CD47: variants seen among roughly 807,000 people sequenced by gnomAD.
The protein encoded by CD47 is leukocyte surface antigen CD47.
Under a neutral mutation model 44.6 loss-of-function variants are expected in CD47, and 11 were observed. The ratio of observed to expected loss-of-function variants is 0.25; its 90% confidence interval spans 0.16 to 0.41. The LOEUF is 0.41. CD47 is among the 10% of genes least tolerant of loss of function. The probability of loss-of-function intolerance (pLI) is 1.00; values close to 1 mark genes in which losing one functional copy is unlikely to be tolerated. For synonymous variants in CD47, 140 were observed against 136.3 expected (o/e 1.03, Z -0.19); for missense variants, 306 against 386.7 (o/e 0.79, Z 1.75).
intron 2 of CD47, among the ~76,000 whole-genome samples, chr3:108,076,109 T>C (rs1474665938): frequency 1.3e-5 from 2 of 152,254 alleles, no homozygotes; most frequent in East Asian, 3.8e-4. Flanking sequence ...TTTAGTCTTT[T>C]AAGACTTTGA....
Position 108,085,858 on chromosome 3 carries a change from C to A in CD47, c.46+5005G>T, listed in dbSNP as rs560340192. Among the ~76,000 whole-genome samples, 115 of 152,194 alleles carry A rather than the reference C, an allele frequency of 7.6e-4. 1 individual carries two copies. Among genetic ancestry groups the A allele is most frequent in the African/African-American group, 2.3e-3 (97 of 41,540 alleles). The stretch of plus-strand genomic sequence containing the variant: ...ATTTTTCTTCTGTATTTCAAGAGAA[C>A]CTGCCACTGCTTCTCACTTGTATAG... On this transcript the variant is annotated intron_variant, in intron 1 of 10. Transcript: ENST00000361309.
At chr3:108,074,408 G>A (rs983040723) in intron 2 of CD47, among the ~76,000 whole-genome samples, 1 of 151,982 alleles carries the variant, frequency 6.6e-6, no homozygotes, top group Non-Finnish European at 1.5e-5. Flanking sequence ...CCACCTCCCG[G>A]GTTCAAGCAA....
At chr3:108,075,382 A>T (rs1293884769) in intron 2 of CD47, among the ~76,000 whole-genome samples, 1 of 152,170 alleles carries the variant, frequency 6.6e-6, no homozygotes, top group Non-Finnish European at 1.5e-5. Flanking sequence ...AAAAAAGTGA[A>T]GACACCATTC....
At chr3:108,060,930 C>A in intron 3 of CD47, 78 bp from the exon 4 acceptor site, 1 of 892,348 alleles carries the variant, frequency 1.1e-6, no homozygotes. Flanking sequence ...GGTACAGAGA[C>A]AAACTGACAG....
chr3:108,071,603 C>A (rs1182482991), intron 2 of CD47, among the ~76,000 whole-genome samples: 1 of 152,178 alleles, frequency 6.6e-6, no homozygotes, highest in African/African-American at 2.4e-5. Context: ...GTACATGTAT[C>A]TTGAAGGACT....
chr3:108,069,389 T>C (rs2079156950), intron 3 of CD47, among the ~76,000 whole-genome samples: 1 of 152,028 alleles, frequency 6.6e-6, no homozygotes, highest in South Asian at 2.1e-4. Flanking sequence ...TACGAGTCCA[T>C]TTATGGTTAC....
chr3:108,075,440 C>T (rs2079292563), intron 2 of CD47, among the ~76,000 whole-genome samples: 1 of 152,038 alleles, frequency 6.6e-6, no homozygotes, highest in Non-Finnish European at 1.5e-5. Context: ...TAGGGAACAC[C>T]AGGTTACACA....
intron 2 of CD47, among the ~76,000 whole-genome samples, chr3:108,075,161 T>C (rs976314482): frequency 6.6e-6 from 1 of 152,214 alleles, no homozygotes; most frequent in African/African-American, 2.4e-5. Context: ...ACCCAAGCTA[T>C]GGCTGACAAC....
At chr3:108,088,596 T>A (rs2079565785) in intron 1 of CD47, among the ~76,000 whole-genome samples, 6 of 152,106 alleles carry the variant, frequency 3.9e-5, no homozygotes, top group African/African-American at 1.4e-4. Flanking sequence ...TGGAAAAAAA[T>A]TTTATTTAAT....
intron 2 of CD47, among the ~76,000 whole-genome samples, chr3:108,074,896 T>C (rs1156795009): frequency 6.6e-6 from 1 of 152,076 alleles, no homozygotes; most frequent in Admixed American, 6.6e-5. Flanking sequence ...ACTGAGATGC[T>C]GGGGGAAAAA....
chr3:108,081,850 T>C (rs193183041), intron 1 of CD47, among the ~76,000 whole-genome samples: 2 of 152,076 alleles, frequency 1.3e-5, no homozygotes, highest in Non-Finnish European at 2.9e-5. Context: ...TGGGCCCTCT[T>C]TGACTAGTCC....
At chr3:108,049,278 T>TAA (rs2078780887) in intron 10 of CD47, among the ~76,000 whole-genome samples, 1 of 152,172 alleles carries the variant, frequency 6.6e-6, no homozygotes, top group African/African-American at 2.4e-5. Context: ...GTCAAAATGA[T>TAA]AAAGATTTGT....
intron 3 of CD47, among the ~76,000 whole-genome samples, chr3:108,066,107 A>G (rs2079102064): frequency 6.6e-6 from 1 of 152,136 alleles, no homozygotes; most frequent in Admixed American, 6.5e-5. Flanking sequence ...AAACTCAAGG[A>G]CTTGGTAGGA....
At chr3:108,084,885 C>G (rs1023464857) in intron 1 of CD47, among the ~76,000 whole-genome samples, 1 of 151,976 alleles carries the variant, frequency 6.6e-6, no homozygotes, top group African/African-American at 2.4e-5. Context: ...ACTGCCATAC[C>G]CTTCTAACCA....
At chr3:108,073,677 T>C (rs1342777472) in intron 2 of CD47, among the ~76,000 whole-genome samples, 1 of 152,080 alleles carries the variant, frequency 6.6e-6, no homozygotes, top group Non-Finnish European at 1.5e-5. Context: ...TTGGGAGAGT[T>C]TGGATTTTAT....
At chr3:108,048,262 G>A (rs544503405) in intron 10 of CD47, among the ~76,000 whole-genome samples, 1 of 150,564 alleles carries the variant, frequency 6.6e-6, no homozygotes, top group African/African-American at 2.4e-5. Flanking sequence ...TATATAACAA[G>A]ACATGCTTTT....
chr3:108,071,309 A>G, intron 2 of CD47, 127 bp from the exon 3 acceptor site: 1 of 554,998 alleles, frequency 1.8e-6, no homozygotes, highest in Non-Finnish European at 3.2e-6. Flanking sequence ...TTATTTTTAC[A>G]TGTATTTATT....
At position 108,076,098 on chromosome 3, in the gene CD47, T is replaced by G. The variant is rs1206677664; in HGVS notation, c.400+3893A>C. On this transcript the variant is annotated intron_variant, in intron 2 of 10. Transcript: ENST00000361309. ...AAGTATGCCCTGGGCAACACCTTGATTTTAGTCTTTTAAGACTTTGATCAG... is the reference window on the plus strand; with the variant it reads ...AAGTATGCCCTGGGCAACACCTTGAGTTTAGTCTTTTAAGACTTTGATCAG... Among the ~76,000 whole-genome samples, 3 of 152,212 alleles carry G rather than the reference T, an allele frequency of 2.0e-5. No individual in the cohort carries two copies. In the East Asian group the frequency reaches 5.8e-4, roughly 29 times the overall value.
chr3:108,057,583 T>C lies in CD47; in HGVS notation c.785-14A>G. ...TTGGTATACACGCTGTAAAAACAAA[T>C]AAAATTCTGTATTAGAAAAGCATAT... On this transcript the variant is annotated splice_polypyrimidine_tract_variant and intron_variant, in intron 6 of 10. Coordinates refer to ENST00000361309, the MANE Select transcript of CD47 (RefSeq NM_001777.4). 1 of 1,224,360 alleles carries C rather than the reference T, an allele frequency of 8.2e-7. No homozygotes were observed. The allele number at this position is 1,224,360 out of a possible 1,614,324, so 75.8% of individuals were successfully genotyped here. A position where few individuals can be genotyped will look rare whatever the true frequency, so the allele number is the denominator to read the frequency against.
Sources: gnomAD v4.1 joint callset for allele counts (sites outside exome capture counted in the v4.1 genomes callset) on GRCh38, gnomAD v4.1.1 for gene constraint, MANE v1.5 for transcripts, NCBI Gene and HGNC (gene_info 2026-07-23, HGNC 2026-07-21) for gene names.